The following TENM2 variants were observed in gnomAD, a reference collection of about 807,000 sequenced individuals.
TENM2 encodes the protein teneurin-2.
TENM2 carries 52 observed loss-of-function variants against 245.2 expected under a neutral mutation model. The ratio of observed to expected loss-of-function variants is 0.21; its 90% CI spans 0.17 to 0.27. The LOEUF (loss-of-function observed/expected upper bound fraction) is 0.27. Ranked by LOEUF, TENM2 falls within the 10% of genes least tolerant of loss-of-function variation. The probability of loss-of-function intolerance (pLI) is 1.00; values close to 1 mark genes in which losing one functional copy is unlikely to be tolerated. For missense variants in TENM2, 3,046 were observed against 3,666.8 expected, an observed-to-expected ratio of 0.83 and a Z score of 4.37; for synonymous variants, 1,363 against 1,438.9, an observed-to-expected ratio of 0.95 and a Z score of 1.19.
At chr5:167,498,416 A>T (rs1256864933) in intron 2 of TENM2, among the ~76,000 whole-genome samples, 1 of 152,064 alleles carries the variant, frequency 6.6e-6, no homozygotes, top group Non-Finnish European at 1.5e-5. Context: ...CTCAGGATTT[A>T]ATATTTTCTG....
chr5:167,569,554 T>C (rs1263642058), intron 2 of TENM2, among the ~76,000 whole-genome samples: 2 of 152,178 alleles, frequency 1.3e-5, no homozygotes, highest in Non-Finnish European at 2.9e-5. Flanking sequence ...TGCCATTTGC[T>C]CCTTGTGTGA....
chr5:167,256,996 G>A, the TENM2 span, among the ~76,000 whole-genome samples: 1 of 151,926 alleles, frequency 6.6e-6, no homozygotes, highest in African/African-American at 2.4e-5. Flanking sequence ...CTGTATACTT[G>A]GAAAAAAGTT....
At chr5:167,421,894 G>GA (rs1763529199) in intron 2 of TENM2, among the ~76,000 whole-genome samples, 2 of 152,098 alleles carry the variant, frequency 1.3e-5, no homozygotes, top group Non-Finnish European at 2.9e-5. Context: ...CCAGGTTCAA[G>GA]CAATTCTCTG....
At chr5:167,247,654 T>C in the TENM2 span, among the ~76,000 whole-genome samples, 1 of 152,168 alleles carries the variant, frequency 6.6e-6, no homozygotes, top group Non-Finnish European at 1.5e-5. Context: ...ATCTTCTAGT[T>C]AAAAAGAACA....
intron 2 of TENM2, among the ~76,000 whole-genome samples, chr5:167,410,058 C>G (rs771674173): frequency 4.6e-5 from 7 of 151,968 alleles, no homozygotes; most frequent in Non-Finnish European, 8.8e-5. Flanking sequence ...ATGAATTTCT[C>G]TCTACCATCA....
chr5:168,066,750 G>A (rs2152113085), intron 7 of TENM2, among the ~76,000 whole-genome samples: 1 of 152,248 alleles, frequency 6.6e-6, no homozygotes, highest in East Asian at 1.9e-4. Context: ...ATTCTTATGG[G>A]GATGGTATGT....
chr5:167,242,699 T>A, the TENM2 span, among the ~76,000 whole-genome samples: 1 of 152,330 alleles, frequency 6.6e-6, no homozygotes, highest in East Asian at 1.9e-4. Flanking sequence ...ATTGTAAGAA[T>A]ACAGTATGTA....
In TENM2 at chr5:167,834,806, C is replaced by A. The variant is rs532978884; in HGVS notation, c.503-41180C>A. Among the ~76,000 whole-genome samples, 69 of 152,212 alleles carry A rather than the reference C, an allele frequency of 4.5e-4. 1 individual carries two copies. Among genetic ancestry groups the A allele is most frequent in the East Asian group, 4.1e-3 (21 of 5,152 alleles). On this transcript the variant is annotated intron_variant, in intron 2 of 28. Coordinates refer to ENST00000518659, the Ensembl canonical transcript of TENM2. ...CTTGGGCTACAGGCGCCCGCCACCACGCCCAGCTAATTTTTTTGTATTTTT... is the reference window on the plus strand; with the variant it reads ...CTTGGGCTACAGGCGCCCGCCACCAAGCCCAGCTAATTTTTTTGTATTTTT...
chr5:168,003,306 A>AACACACACACACAC (rs70976455), intron 5 of TENM2, among the ~76,000 whole-genome samples: 1 of 90,544 alleles, frequency 1.1e-5, no homozygotes, highest in Non-Finnish European at 2.0e-5. Flanking sequence ...TTTAAGAAAA[A>AACACACACACACAC]ACACACACAC....
Position 167,573,896 on chromosome 5 carries a change from A to G in TENM2, c.502+198423A>G, listed in dbSNP as rs1451013681. On this transcript the variant is annotated intron_variant, in intron 2 of 28. Transcript: ENST00000518659. ...TTGCTGGAAAAAAAAAAAAGAAAAGAAAAAAAAAGAAAGAAAAAAAAAGGC... is the reference window on the plus strand; with the variant it reads ...TTGCTGGAAAAAAAAAAAAGAAAAGGAAAAAAAAGAAAGAAAAAAAAAGGC... The G allele has an allele frequency of 5.3e-5, 8 of 150,402 alleles. No homozygotes were observed. In the East Asian group the frequency reaches 5.8e-4, roughly 11 times the overall value. The allele number at this position is 150,402 out of a possible 1,614,324, so 9.3% of individuals were successfully genotyped here.
chr5:167,858,651 G>A (rs908869643), intron 2 of TENM2, among the ~76,000 whole-genome samples: 7 of 151,580 alleles, frequency 4.6e-5, no homozygotes, highest in African/African-American at 1.7e-4. Context: ...GGGGCAGTGC[G>A]GAGCCGGGAC....
At chr5:167,067,293 C>T in the TENM2 span, among the ~76,000 whole-genome samples, 5 of 152,230 alleles carry the variant, frequency 3.3e-5, no homozygotes, top group Middle Eastern at 0.014. Context: ...TATTTCTAAA[C>T]TTTTGCAGAA....
chr5:168,078,043 A>G (rs1275731182), intron 7 of TENM2, among the ~76,000 whole-genome samples: 2 of 152,186 alleles, frequency 1.3e-5, no homozygotes, highest in East Asian at 3.9e-4. Context: ...CGCTCCCACA[A>G]ACAGCGTAAA....
intron 25 of TENM2, among the ~76,000 whole-genome samples, chr5:168,234,236 A>T (rs1765215775): frequency 6.6e-6 from 1 of 152,140 alleles, no homozygotes; most frequent in African/African-American, 2.4e-5. Context: ...AGGAAAAAGG[A>T]AGGTATCTCC....
chr5:168,096,850 G>A (rs1479777030), intron 8 of TENM2, among the ~76,000 whole-genome samples: 1 of 140,710 alleles, frequency 7.1e-6, no homozygotes, highest in Non-Finnish European at 1.5e-5. Context: ...TTTGTTTTAA[G>A]ACAAAAATTA....
intron 2 of TENM2, among the ~76,000 whole-genome samples, chr5:167,508,228 T>A (rs991546891): frequency 1.3e-5 from 2 of 152,168 alleles, no homozygotes; most frequent in Non-Finnish European, 2.9e-5. Flanking sequence ...GTGAATGACA[T>A]TAAAAAAGCT....
chr5:167,890,995 G>A (rs1774709030), intron 3 of TENM2, among the ~76,000 whole-genome samples: 1 of 152,280 alleles, frequency 6.6e-6, no homozygotes, highest in East Asian at 1.9e-4. Context: ...AAAATTTCAA[G>A]TGACTTACTG....
At chr5:166,982,298 A>G in the TENM2 span, among the ~76,000 whole-genome samples, 1 of 152,106 alleles carries the variant, frequency 6.6e-6, no homozygotes, top group Non-Finnish European at 1.5e-5. Context: ...GTTTCTCTGC[A>G]TGTGTGAATC....
chr5:167,762,471 G>A (rs543632330), intron 2 of TENM2, among the ~76,000 whole-genome samples: 2 of 152,210 alleles, frequency 1.3e-5, no homozygotes, highest in African/African-American at 2.4e-5. Flanking sequence ...CGTTATTTTC[G>A]TCTATTTCTC....
Sources: allele counts gnomAD v4.1 joint callset (sites outside exome capture counted in the v4.1 genomes callset), GRCh38; gene constraint gnomAD v4.1.1; transcripts MANE v1.5; gene names NCBI Gene and HGNC (gene_info 2026-07-23, HGNC 2026-07-21).